The following CNPY1 variants were observed in gnomAD, a reference collection of about 807,000 sequenced individuals.
CNPY1 encodes the protein canopy FGF signaling regulator 1, also known as protein canopy homolog 1.
A neutral mutation model predicts 14.4 loss-of-function variants in CNPY1; 14 were observed. The observed-to-expected ratio is 0.97, with a 90% confidence interval of 0.64 to 1.52. The LOEUF (loss-of-function observed/expected upper bound fraction) is 1.52, where lower values mean the gene tolerates loss of function less well. CNPY1 is among the 40% of genes most tolerant of loss of function. The pLI is 0.00. For missense variants in CNPY1, 129 were observed against 131.5 expected (o/e 0.98, Z 0.09); for synonymous variants, 43 against 46.5 (o/e 0.92, Z 0.31).
intron 2 of CNPY1, among the ~76,000 whole-genome samples, chr7:155,509,562 G>A (rs935006793): frequency 2.6e-5 from 4 of 152,180 alleles, no homozygotes; most frequent in African/African-American, 9.7e-5. Flanking sequence ...GAGAGAGCGC[G>A]CGCTCAGCTG....
Position 155,501,517 on chromosome 7 carries a change from G to C in CNPY1, c.*1551C>G, listed in dbSNP as rs901021264. On this transcript the variant is annotated 3_prime_UTR_variant, in exon 5 of 5. Coordinates refer to ENST00000636446, the MANE Select transcript of CNPY1 (RefSeq NM_001393663.1). ...TCCTGTGAAGGTCACTAGGTTTTCA[G>C]GAATAATTGTCCTGTTTAGTGCATT... 2 of 152,162 alleles carry C rather than the reference G, an allele frequency of 1.3e-5. No individual in the cohort carries two copies. Among genetic ancestry groups the C allele is most frequent in the Non-Finnish European group, 2.9e-5 (2 of 68,036 alleles). 9.4% of individuals were successfully genotyped at this position (152,162 alleles called of 1,614,324 possible).
intron 2 of CNPY1, among the ~76,000 whole-genome samples, chr7:155,522,520 C>A (rs995612603): frequency 6.6e-6 from 1 of 152,230 alleles, no homozygotes; most frequent in Non-Finnish European, 1.5e-5. Context: ...GAGGAGGAAA[C>A]GCAGCCTTCG....
chr7:155,517,260 G>A (rs887275218), intron 2 of CNPY1, among the ~76,000 whole-genome samples: 4 of 152,212 alleles, frequency 2.6e-5, no homozygotes, highest in South Asian at 2.1e-4. Flanking sequence ...AAACCGACAC[G>A]CACAGAGGGA....
At position 155,501,617 on chromosome 7, in the gene CNPY1, G is replaced by A. The variant is rs187759449; in HGVS notation, c.*1451C>T. 1.1e-3 allele frequency: 175 copies of A among 152,282 alleles called. 2 individuals carry two copies. Among genetic ancestry groups the A allele is most frequent in the African/African-American group, 3.8e-3 (158 of 41,548 alleles). 9.4% of individuals were successfully genotyped at this position (152,282 alleles called of 1,614,324 possible). On this transcript the variant is annotated 3_prime_UTR_variant, in exon 5 of 5. Transcript: ENST00000636446. Reference sequence around the variant, plus strand: ...TGCCAAATTAACCTTAACTAGATACGTTTAAATAAAGCTATAGGGACTATG... The same window carrying A: ...TGCCAAATTAACCTTAACTAGATACATTTAAATAAAGCTATAGGGACTATG...
intron 2 of CNPY1, among the ~76,000 whole-genome samples, chr7:155,528,887 T>A (rs543698312): frequency 6.6e-6 from 1 of 152,000 alleles, no homozygotes. Flanking sequence ...GATGAAACTG[T>A]GTCTCTACTA....
At chr7:155,537,096 C>T (rs529523111) in intron 2 of CNPY1, among the ~76,000 whole-genome samples, 2 of 152,264 alleles carry the variant, frequency 1.3e-5, no homozygotes, top group South Asian at 2.1e-4. Context: ...GGAGCCGGGG[C>T]TATTTATTAC....
intron 2 of CNPY1, among the ~76,000 whole-genome samples, chr7:155,543,916 G>T (rs889955): frequency 6.6e-6 from 1 of 152,090 alleles, no homozygotes. Context: ...GCTGCTTTCA[G>T]TTGCTTTGCA....
At chr7:155,514,701 C>G (rs1440673888) in intron 2 of CNPY1, among the ~76,000 whole-genome samples, 1 of 152,076 alleles carries the variant, frequency 6.6e-6, no homozygotes, top group African/African-American at 2.4e-5. Flanking sequence ...TCAAGACCAG[C>G]CTGACCAACA....
chr7:155,510,645 T>C (rs1017701696), intron 2 of CNPY1, among the ~76,000 whole-genome samples: 1 of 152,220 alleles, frequency 6.6e-6, no homozygotes, highest in African/African-American at 2.4e-5. Flanking sequence ...AACTCATGAA[T>C]GTTTTAATCG....
chr7:155,529,186 G>C (rs895124077), intron 2 of CNPY1, among the ~76,000 whole-genome samples: 11 of 152,198 alleles, frequency 7.2e-5, no homozygotes, highest in African/African-American at 2.7e-4. Context: ...GTAGCCAGAG[G>C]CTGGAAGTAG....
intron 2 of CNPY1, among the ~76,000 whole-genome samples, chr7:155,539,001 G>A (rs1408989379): frequency 6.6e-6 from 1 of 152,164 alleles, no homozygotes; most frequent in African/African-American, 2.4e-5. Context: ...CCCCAAGGCT[G>A]CTGCCACCAG....
intron 2 of CNPY1, among the ~76,000 whole-genome samples, chr7:155,511,055 G>A (rs1796520693): frequency 6.6e-6 from 1 of 152,182 alleles, no homozygotes; most frequent in Non-Finnish European, 1.5e-5. Context: ...TTACTTGAAA[G>A]TGAAGAGTAG....
intron 2 of CNPY1, among the ~76,000 whole-genome samples, chr7:155,545,355 G>A (rs746319876): frequency 1.3e-5 from 2 of 152,136 alleles, no homozygotes; most frequent in African/African-American, 2.4e-5. Flanking sequence ...CCCCTCTCTA[G>A]GTTGTGCAAG....
chr7:155,541,196 C>G (rs1393273656), intron 2 of CNPY1, among the ~76,000 whole-genome samples: 1 of 152,214 alleles, frequency 6.6e-6, no homozygotes, highest in African/African-American at 2.4e-5. Flanking sequence ...CGCTGAGCCT[C>G]CCCGTTCCCG....
chr7:155,517,359 G>A (rs372888671), intron 2 of CNPY1, among the ~76,000 whole-genome samples: 4 of 152,206 alleles, frequency 2.6e-5, no homozygotes, highest in Non-Finnish European at 5.9e-5. Flanking sequence ...CTTGATCCTA[G>A]GCTTCCAGCC....
At chr7:155,530,831 C>T (rs1738236819) in intron 2 of CNPY1, among the ~76,000 whole-genome samples, 1 of 152,186 alleles carries the variant, frequency 6.6e-6, no homozygotes, top group African/African-American at 2.4e-5. Flanking sequence ...CCCTGGCCTC[C>T]ACCCACTGCA....
At chr7:155,534,452 G>GAC (rs1186839392) in intron 2 of CNPY1, among the ~76,000 whole-genome samples, 2 of 152,118 alleles carry the variant, frequency 1.3e-5, no homozygotes, top group Admixed American at 6.5e-5. Context: ...TGCACACACA[G>GAC]ACACACACAC....
chr7:155,540,598 G>A (rs962942173), intron 2 of CNPY1, among the ~76,000 whole-genome samples: 15 of 152,292 alleles, frequency 9.8e-5, no homozygotes, highest in East Asian at 9.6e-4. Context: ...TCCAAGTTTC[G>A]CAGAGAGCGA....
chr7:155,535,357 C>T (rs73496057), intron 2 of CNPY1, among the ~76,000 whole-genome samples: 2,128 of 152,232 alleles, frequency 0.014, 53 homozygotes, highest in African/African-American at 0.048. Context: ...AGTTTGAACA[C>T]TTGGGAGAGG....
Sources: gnomAD v4.1 joint callset for allele counts (sites outside exome capture counted in the v4.1 genomes callset) on GRCh38, gnomAD v4.1.1 for gene constraint, MANE v1.5 for transcripts, NCBI Gene and HGNC (gene_info 2026-07-23, HGNC 2026-07-21) for gene names.